CTNND2: variants seen among roughly 807,000 people sequenced by gnomAD.
The protein encoded by CTNND2 is catenin delta-2.
In CTNND2, 22 loss-of-function variants were observed where a neutral mutation model predicts 144.4. The observed-to-expected ratio is 0.15, with a 90% CI of 0.11 to 0.22. The LOEUF (loss-of-function observed/expected upper bound fraction) is 0.22. Ranked by LOEUF, CTNND2 falls within the 10% of genes least tolerant of loss-of-function variation. CTNND2 has a pLI of 1.00. For missense variants in CTNND2, 1,353 were observed against 1,618.8 expected, an observed-to-expected ratio of 0.84 and a Z score of 2.82; for synonymous variants, 751 against 695.6, an observed-to-expected ratio of 1.08 and a Z score of -1.25.
At chr5:11,779,665 G>A (rs1025498841) in intron 1 of CTNND2, among the ~76,000 whole-genome samples, 22 of 152,162 alleles carry the variant, frequency 1.4e-4, no homozygotes, top group African/African-American at 5.3e-4. Flanking sequence ...ATGAGGAGTC[G>A]CCACTTGCTG....
At position 11,060,060 on chromosome 5, in the gene CTNND2, T is replaced by C. The variant is rs113251572; in HGVS notation, c.2788+22636A>G. Among the ~76,000 whole-genome samples, 195 of 152,290 alleles carry C rather than the reference T, an allele frequency of 1.3e-3. 3 individuals carry two copies. The highest frequency in any genetic ancestry group is 3.6e-3 in the African/African-American group (148 of 41,562). On this transcript the variant is annotated intron_variant, in intron 16 of 21. Coordinates refer to ENST00000304623, the MANE Select transcript of CTNND2 (RefSeq NM_001332.4). The stretch of plus-strand genomic sequence containing the variant: ...ATTAGATTTATAACTTCTGGGAGCA[T>C]TTGCCTCCCTGCAGGCTATTCTCAC...
chr5:11,150,363 G>A (rs114417995), intron 12 of CTNND2, among the ~76,000 whole-genome samples: 261 of 152,302 alleles, frequency 1.7e-3, no homozygotes, highest in Non-Finnish European at 2.6e-3. Flanking sequence ...GTTATCCTAG[G>A]AAAGGGGGCC....
At chr5:11,465,992 T>A (rs906573321) in intron 3 of CTNND2, among the ~76,000 whole-genome samples, 1 of 152,130 alleles carries the variant, frequency 6.6e-6, no homozygotes, top group African/African-American at 2.4e-5. Flanking sequence ...GAAATTTTTA[T>A]TTTCTAACTT....
chr5:11,002,538 T>C (rs1042510456), intron 18 of CTNND2, among the ~76,000 whole-genome samples: 2 of 152,106 alleles, frequency 1.3e-5, no homozygotes, highest in African/African-American at 4.8e-5. Context: ...GGAGAGTGAA[T>C]ATTTCAAGGG....
chr5:11,447,050 C>G (rs551803340), intron 3 of CTNND2, among the ~76,000 whole-genome samples: 1 of 152,072 alleles, frequency 6.6e-6, no homozygotes, highest in Non-Finnish European at 1.5e-5. Context: ...ACCCCCTTCC[C>G]GGGTAACAAC....
chr5:11,455,755 G>A (rs967415953), intron 3 of CTNND2, among the ~76,000 whole-genome samples: 1 of 152,132 alleles, frequency 6.6e-6, no homozygotes, highest in Admixed American at 6.6e-5. Flanking sequence ...TTTTACTTTA[G>A]ATAATGGCAA....
chr5:11,663,718 T>C (rs1293276712), intron 2 of CTNND2, among the ~76,000 whole-genome samples: 2 of 152,100 alleles, frequency 1.3e-5, no homozygotes, highest in African/African-American at 4.8e-5. Context: ...AAATCAAAGA[T>C]TATTATAATT....
At chr5:11,178,045 G>C (rs564804724) in intron 11 of CTNND2, among the ~76,000 whole-genome samples, 1 of 152,296 alleles carries the variant, frequency 6.6e-6, no homozygotes, top group Admixed American at 6.5e-5. Flanking sequence ...AAGACTTGAA[G>C]AAGACACAAA....
At chr5:10,990,826 G>A (rs1414737280) in intron 19 of CTNND2, among the ~76,000 whole-genome samples, 1 of 152,198 alleles carries the variant, frequency 6.6e-6, no homozygotes, top group East Asian at 1.9e-4. Flanking sequence ...CTGTCTGCAT[G>A]GCTGGTTGAA....
At chr5:11,217,421 C>G (rs59656255) in intron 10 of CTNND2, among the ~76,000 whole-genome samples, 3,495 of 152,246 alleles carry the variant, frequency 0.023, 89 homozygotes, top group African/African-American at 0.06. Flanking sequence ...TTGTCTGCAA[C>G]TCCTGTTAAT....
chr5:11,342,090 G>A (rs1410091108), intron 9 of CTNND2, among the ~76,000 whole-genome samples: 3 of 152,178 alleles, frequency 2.0e-5, no homozygotes, highest in Non-Finnish European at 4.4e-5. Flanking sequence ...GGGTGTGTGT[G>A]TGTGTGTCCA....
chr5:11,554,951 G>T (rs1776084899), intron 3 of CTNND2, among the ~76,000 whole-genome samples: 1 of 150,834 alleles, frequency 6.6e-6, no homozygotes, highest in Non-Finnish European at 1.5e-5. Context: ...CATATAAAAT[G>T]TACATAACAT....
At chr5:11,262,899 T>C (rs1272135356) in intron 9 of CTNND2, among the ~76,000 whole-genome samples, 4 of 151,136 alleles carry the variant, frequency 2.6e-5, no homozygotes, top group African/African-American at 7.3e-5. Flanking sequence ...TTCAACAACA[T>C]AGGCTTTTAG....
chr5:11,166,249 CTTTTTT>C (rs11400471), intron 11 of CTNND2, among the ~76,000 whole-genome samples: 47 of 125,870 alleles, frequency 3.7e-4, no homozygotes, highest in African/African-American at 1.4e-3. Context: ...CAAAAAAGTT[CTTTTTT>C]TTTTTTTTTT....
intron 15 of CTNND2, among the ~76,000 whole-genome samples, chr5:11,095,496 C>T (rs1205883473): frequency 6.6e-6 from 1 of 152,156 alleles, no homozygotes; most frequent in African/African-American, 2.4e-5. Context: ...AACACTGCAA[C>T]CCTCAAGGAA....
At chr5:11,018,650 C>T (rs570667520) in intron 17 of CTNND2, among the ~76,000 whole-genome samples, 1 of 150,640 alleles carries the variant, frequency 6.6e-6, no homozygotes, top group East Asian at 2.0e-4. Flanking sequence ...GATAAAAGAT[C>T]ATATCAACCA....
At chr5:11,155,653 T>C (rs1314922857) in intron 12 of CTNND2, among the ~76,000 whole-genome samples, 2 of 152,132 alleles carry the variant, frequency 1.3e-5, no homozygotes, top group Non-Finnish European at 2.9e-5. Context: ...CCCATGCCGC[T>C]TGGCCTCTCA....
At chr5:11,728,017 A>G (rs1186319474) in intron 2 of CTNND2, among the ~76,000 whole-genome samples, 1 of 152,258 alleles carries the variant, frequency 6.6e-6, no homozygotes, top group Non-Finnish European at 1.5e-5. Flanking sequence ...TTCTAAATGT[A>G]GAAGCTGAAT....
intron 2 of CTNND2, among the ~76,000 whole-genome samples, chr5:11,587,656 G>A (rs1778961788): frequency 6.6e-6 from 1 of 151,734 alleles, no homozygotes; most frequent in Non-Finnish European, 1.5e-5. Context: ...TCAAAATTAA[G>A]GTGAAAATCA....
Sources: gnomAD v4.1 joint callset for allele counts (sites outside exome capture counted in the v4.1 genomes callset) on GRCh38, gnomAD v4.1.1 for gene constraint, MANE v1.5 for transcripts, NCBI Gene and HGNC (gene_info 2026-07-23, HGNC 2026-07-21) for gene names.